LHX4: variants seen among roughly 807,000 people sequenced by gnomAD.
LHX4 encodes LIM/homeobox protein Lhx4.
A neutral mutation model predicts 39.2 loss-of-function variants in LHX4; 16 were observed. That is an observed-to-expected ratio of 0.41 (90% CI 0.28 to 0.62). The LOEUF (loss-of-function observed/expected upper bound fraction) is 0.62. Ranked by LOEUF, LHX4 falls within the 20% of genes least tolerant of loss-of-function variation. The pLI is 0.33. For synonymous variants in LHX4, 206 were observed against 198.1 expected, an observed-to-expected ratio of 1.04 and a Z score of -0.33; for missense variants, 439 against 511.9, an observed-to-expected ratio of 0.86 and a Z score of 1.37.
intron 3 of LHX4, chr1:180,270,910 G>GTAT: frequency 4.1e-6 from 1 of 246,516 alleles, no homozygotes; most frequent in South Asian, 4.9e-5. Flanking sequence ...CGACGCCAGG[G>GTAT]CAAAGGTGAC....
At chr1:180,268,453 A>G (rs867922181) in intron 3 of LHX4, among the ~76,000 whole-genome samples, 3 of 152,230 alleles carry the variant, frequency 2.0e-5, no homozygotes. Context: ...GCACCACAGC[A>G]GACCTCTGCA....
At position 180,266,506 on chromosome 1, in the gene LHX4, C is replaced by A. The variant is rs1286712820; in HGVS notation, c.363C>A (p.Asn121Lys). Reference sequence around the variant, plus strand: ...ACTGCTTTGCTTGCATCATCTGCAACCGGCAGCTGGCCACGGGGGACGAAT... The same window carrying A: ...ACTGCTTTGCTTGCATCATCTGCAAACGGCAGCTGGCCACGGGGGACGAAT... ...HLHCFACIIC[N>K]RQLATGDEFY... The change falls in exon 3 of 6, where the codon AAC becomes AAA. Residue 121 changes from asparagine (N) to lysine (K), a missense_variant. Physicochemically the swap from Asn to Lys is moderately conservative, Grantham distance 94. Transcript: ENST00000263726. This position sits in a 1 kb window ranked among gnomAD's most constrained non-coding sequence, Gnocchi z 5.7. 1.2e-6 allele frequency: 2 copies of A among 1,614,242 alleles called. No homozygotes were observed. Among genetic ancestry groups the A allele is most frequent in the Admixed American group, 1.7e-5 (1 of 60,034 alleles).
At chr1:180,271,249 C>T (rs1322228984) in intron 3 of LHX4, 131 bp from the exon 4 acceptor site, 12 of 987,400 alleles carry the variant, frequency 1.2e-5, no homozygotes, top group Non-Finnish European at 2.0e-5. Context: ...ACTCTGATGT[C>T]CCCTGTGCCT....
intron 3 of LHX4, chr1:180,270,152 A>G (rs2149265260): frequency 6.6e-6 from 1 of 152,402 alleles, no homozygotes; most frequent in Non-Finnish European, 1.5e-5. Flanking sequence ...CACTGAAGCC[A>G]GGTCTGCTGA....
Position 180,274,449 on chromosome 1 carries a change from T to C in LHX4, c.1043T>C (p.Val348Ala). The C allele has an allele frequency of 8.7e-6, 14 of 1,614,064 alleles. No individual in the cohort carries two copies. The highest frequency in any genetic ancestry group is 1.3e-5 in the African/African-American group (1 of 75,002). The change falls in exon 6 of 6, where the codon GTA (valine) becomes GCA (alanine). Residue 348 changes from valine (V) to alanine (A), a missense_variant. Physicochemically the swap from Val to Ala is moderately conservative, Grantham distance 64. Transcript: ENST00000263726. ...ATCATTGCGCATGCAGGGCAGGGAG[T>C]AAGCCAGACGCTGAGAGCCATGGCT... Reference protein sequence around the residue: ...LGIIAHAGQGVSQTLRAMAGG... With the variant: ...LGIIAHAGQGASQTLRAMAGG...
chr1:180,229,483 G>C (rs1230259276), upstream of LHX4, among the ~76,000 whole-genome samples: 1 of 152,162 alleles, frequency 6.6e-6, no homozygotes, highest in Non-Finnish European at 1.5e-5. Flanking sequence ...CCCCAGCCCG[G>C]GCCGGCGCCG....
intron 1 of LHX4, among the ~76,000 whole-genome samples, chr1:180,233,186 T>G (rs1375393000): frequency 2.6e-5 from 4 of 152,340 alleles, no homozygotes; most frequent in African/African-American, 7.2e-5. Flanking sequence ...AGGAAAACGT[T>G]TCCAAATGAT....
chr1:180,274,086 G>A (rs1223280211), intron 5 of LHX4, 99 bp from the exon 6 acceptor site: 1 of 1,467,990 alleles, frequency 6.8e-7, no homozygotes, highest in Non-Finnish European at 9.5e-7. Flanking sequence ...TGCCATCCTT[G>A]GGCATCTTTC....
intron 2 of LHX4, among the ~76,000 whole-genome samples, chr1:180,252,734 T>C (rs1370331740): frequency 6.6e-6 from 1 of 152,056 alleles, no homozygotes; most frequent in East Asian, 1.9e-4. Context: ...TTGTAATATC[T>C]CAAAAGTGGA....
In LHX4 at chr1:180,272,006, G is replaced by A; in HGVS notation, c.778G>A (p.Glu260Lys). 1 of 1,611,942 alleles carries A rather than the reference G, an allele frequency of 6.2e-7. No individual in the cohort carries two copies. Among genetic ancestry groups the A allele is most frequent in the Non-Finnish European group, 8.5e-7 (1 of 1,179,424 alleles). Residue 260 changes from glutamate to lysine, a missense_variant and splice_region_variant, in exon 5 of 6, where the codon GAG (glutamate) becomes AAG (lysine). Physicochemically the swap from Glu to Lys is moderately conservative, Grantham distance 56. Coordinates refer to ENST00000263726, the MANE Select transcript of LHX4 (RefSeq NM_033343.4). ...TAGTGACAGTGAGCTGAGCTTCCGA[G>A]GTGAGCAGGGCTGGAGGGGCCAGGC... The part of the protein sequence containing the change: ...GVSDSELSFR[E>K]DQILSELGHT...
intron 1 of LHX4, among the ~76,000 whole-genome samples, chr1:180,235,218 A>T (rs1338022656): frequency 6.6e-6 from 1 of 152,250 alleles, no homozygotes; most frequent in Admixed American, 6.5e-5. Context: ...TGGCCCTTGC[A>T]GTCCATCCGC....
upstream of LHX4, among the ~76,000 whole-genome samples, chr1:180,229,603 G>A (rs993873760): frequency 6.6e-5 from 10 of 152,136 alleles, no homozygotes; most frequent in Non-Finnish European, 1.2e-4. Context: ...GGCAGGAAAG[G>A]AATTGGCCAG....
In LHX4 at chr1:180,234,608, C is replaced by A. The variant is rs2149252028; in HGVS notation, c.76+4003C>A. Among the ~76,000 whole-genome samples the A allele has an allele frequency of 6.6e-6, 1 of 152,354 alleles. No individual in the cohort carries two copies. The highest frequency in any genetic ancestry group is 2.1e-4 in the South Asian group (1 of 4,830). On this transcript the variant is annotated intron_variant, in intron 1 of 5. Coordinates refer to ENST00000263726, the MANE Select transcript of LHX4 (RefSeq NM_033343.4). This position sits in a 1 kb window ranked among gnomAD's most constrained non-coding sequence, Gnocchi z 4.8. ...GGAGGGAAGCTTGGAAAGCCGCTGT[C>A]CCAGTGCGCTCCGCATGCGGAATTA... is the stretch of plus-strand genomic sequence containing the variant.
At chr1:180,242,911 TGA>T (rs1235708424) in intron 1 of LHX4, among the ~76,000 whole-genome samples, 2 of 152,238 alleles carry the variant, frequency 1.3e-5, no homozygotes, top group Non-Finnish European at 1.5e-5. Flanking sequence ...TGTGGAATTT[TGA>T]GATACTAAAT....
chr1:180,252,912 T>C (rs1647689998), intron 2 of LHX4, among the ~76,000 whole-genome samples: 2 of 152,350 alleles, frequency 1.3e-5, no homozygotes, highest in Admixed American at 1.3e-4. Context: ...TGTTGAGCTC[T>C]GTCTTGCTCA....
intron 2 of LHX4, among the ~76,000 whole-genome samples, chr1:180,255,472 G>A (rs970564395): frequency 2.6e-5 from 4 of 152,266 alleles, no homozygotes; most frequent in African/African-American, 9.6e-5. Flanking sequence ...TCTCTTTGAT[G>A]TGTGACTTTC....
Position 180,266,269 on chromosome 1 carries a change from C to A in LHX4, c.249-123C>A. On this transcript the variant is annotated intron_variant, in intron 2 of 5. Coordinates refer to ENST00000263726, the MANE Select transcript of LHX4 (RefSeq NM_033343.4). The surrounding 1 kb of genome is among the most constrained non-coding windows in gnomAD (Gnocchi z 5.7). ...GGACCAGACGGTAAGCTCTGGGTGA[C>A]TGGGGGGTGAGGCTCATGGAGTCCC... 1 of 899,140 alleles carries A rather than the reference C, an allele frequency of 1.1e-6. No homozygotes were observed. Among genetic ancestry groups the A allele is most frequent in the Non-Finnish European group, 1.8e-6 (1 of 549,550 alleles). 55.7% of individuals were successfully genotyped at this position (899,140 alleles called of 1,614,324 possible). A position where few individuals can be genotyped will look rare whatever the true frequency, so the allele number is the denominator to read the frequency against.
rs1664245176 is a variant in LHX4, at chr1:180,234,071, A to C, written c.76+3466A>C. 6.7e-6 allele frequency among the ~76,000 whole-genome samples: 1 copy of C among 148,836 alleles called. No homozygotes were observed. Among genetic ancestry groups the C allele is most frequent in the East Asian group, 2.0e-4 (1 of 5,040 alleles). Reference sequence around the variant, plus strand: ...AGGGGGTGAGATGGATTCACTGTCCAAGACAGGAGTTCACTCAAACGCTGG... The same window carrying C: ...AGGGGGTGAGATGGATTCACTGTCCCAGACAGGAGTTCACTCAAACGCTGG... On this transcript the variant is annotated intron_variant, in intron 1 of 5. Transcript: ENST00000263726. The surrounding 1 kb of genome is among the most constrained non-coding windows in gnomAD (Gnocchi z 4.8).
rs1034167464 is a variant in LHX4, at chr1:180,274,450, A to G, written c.1044A>G (p.Val348=). The part of the protein sequence containing the change: ...LGIIAHAGQG[V]SQTLRAMAGG... ...TCATTGCGCATGCAGGGCAGGGAGT[A>G]AGCCAGACGCTGAGAGCCATGGCTG... Residue 348 remains valine (V), a synonymous_variant, in exon 6 of 6, where the codon GTA becomes GTG. Coordinates refer to ENST00000263726, the MANE Select transcript of LHX4 (RefSeq NM_033343.4). 1.2e-6 allele frequency: 2 copies of G among 1,614,068 alleles called. No individual in the cohort carries two copies. Among genetic ancestry groups the G allele is most frequent in the African/African-American group, 2.7e-5 (2 of 74,928 alleles).
Sources: gnomAD v4.1 joint callset for allele counts (sites outside exome capture counted in the v4.1 genomes callset) on GRCh38, gnomAD v4.1.1 for gene constraint, Gnocchi (gnomAD v3.1) non-coding constraint, MANE v1.5 for transcripts, NCBI Gene and HGNC (gene_info 2026-07-23, HGNC 2026-07-21) for gene names.